The following CCDC91 variants were observed in gnomAD, a reference collection of about 807,000 sequenced individuals.
CCDC91 encodes the protein coiled-coil domain-containing protein 91.
In CCDC91, 48 loss-of-function variants were observed where a neutral mutation model predicts 63.2. The ratio of observed to expected loss-of-function variants is 0.76; its 90% CI spans 0.60 to 0.97. The LOEUF (loss-of-function observed/expected upper bound fraction) is 0.97, where lower values mean the gene tolerates loss of function less well. Ranked by LOEUF, CCDC91 falls within the 50% of genes least tolerant of loss-of-function variation. The pLI is 0.00. For synonymous variants in CCDC91, 167 were observed against 165.8 expected (o/e 1.01, Z -0.06); for missense variants, 500 against 494.6 (o/e 1.01, Z -0.10).
intron 1 of CCDC91, among the ~76,000 whole-genome samples, chr12:28,251,718 T>G (rs1946128469): frequency 6.6e-6 from 1 of 152,090 alleles, no homozygotes; most frequent in Non-Finnish European, 1.5e-5. Flanking sequence ...CCTAATTGTT[T>G]AAAATTACAC....
intron 3 of CCDC91, among the ~76,000 whole-genome samples, chr12:28,280,543 A>G (rs966374298): frequency 6.6e-6 from 1 of 152,110 alleles, no homozygotes; most frequent in Non-Finnish European, 1.5e-5. Context: ...TTCTTTTTAT[A>G]GTCTATATGT....
chr12:28,464,403 T>C (rs1246953459), intron 11 of CCDC91, among the ~76,000 whole-genome samples: 1 of 152,166 alleles, frequency 6.6e-6, no homozygotes, highest in Non-Finnish European at 1.5e-5. Context: ...AGCCCCAGGT[T>C]GTACAGCTCC....
At chr12:28,504,688 C>A (rs994455645) in intron 12 of CCDC91, among the ~76,000 whole-genome samples, 2 of 151,958 alleles carry the variant, frequency 1.3e-5, no homozygotes, top group African/African-American at 4.8e-5. Context: ...TCAAAGTCTA[C>A]ATGGCTCCTT....
intron 3 of CCDC91, among the ~76,000 whole-genome samples, chr12:28,298,815 G>A (rs1281682364): frequency 1.3e-5 from 2 of 150,506 alleles, no homozygotes; most frequent in Admixed American, 1.3e-4. Flanking sequence ...TTGTTTATGT[G>A]CTTTATAAAA....
At chr12:28,424,725 T>A (rs181400196) in intron 8 of CCDC91, among the ~76,000 whole-genome samples, 9 of 152,306 alleles carry the variant, frequency 5.9e-5, no homozygotes, top group African/African-American at 1.9e-4. Flanking sequence ...AATACTAATA[T>A]TGTCTTTAGC....
chr12:28,319,014 C>A (rs1178395925), intron 6 of CCDC91, among the ~76,000 whole-genome samples: 1 of 151,902 alleles, frequency 6.6e-6, no homozygotes, highest in Non-Finnish European at 1.5e-5. Context: ...TTTAATACCA[C>A]CTAATTCAGA....
intron 12 of CCDC91, among the ~76,000 whole-genome samples, chr12:28,490,874 T>A (rs1433173283): frequency 6.6e-6 from 1 of 151,728 alleles, no homozygotes; most frequent in African/African-American, 2.4e-5. Context: ...AAAAACTTAC[T>A]GACATGTGGA....
intron 12 of CCDC91, among the ~76,000 whole-genome samples, chr12:28,501,211 C>A (rs552847403): frequency 6.6e-6 from 1 of 152,030 alleles, no homozygotes; most frequent in East Asian, 2.0e-4. Flanking sequence ...CTTCTCCTGT[C>A]TAATTGCCCT....
At chr12:28,381,683 G>T (rs1444179007) in intron 7 of CCDC91, among the ~76,000 whole-genome samples, 2 of 152,000 alleles carry the variant, frequency 1.3e-5, no homozygotes, top group African/African-American at 4.8e-5. Context: ...GTATTTTGTT[G>T]TTTTAGTAGG....
At chr12:28,535,136 A>AC (rs1331107418) in intron 12 of CCDC91, among the ~76,000 whole-genome samples, 22 of 152,216 alleles carry the variant, frequency 1.4e-4, no homozygotes, top group Admixed American at 2.6e-4. Flanking sequence ...CATACATTTA[A>AC]CAGATGTTTA....
intron 11 of CCDC91, among the ~76,000 whole-genome samples, chr12:28,474,144 C>T (rs985651180): frequency 3.3e-4 from 50 of 152,194 alleles, no homozygotes; most frequent in African/African-American, 1.2e-3. Context: ...AGTCTCATTG[C>T]ATAATAAACA....
At chr12:28,237,438 A>G (rs1011936094) in intron 1 of CCDC91, among the ~76,000 whole-genome samples, 6 of 152,172 alleles carry the variant, frequency 3.9e-5, no homozygotes, top group African/African-American at 1.4e-4. Context: ...AAATACTATC[A>G]CAAGTGTCCT....
At chr12:28,434,420 T>G (rs958028640) in intron 8 of CCDC91, among the ~76,000 whole-genome samples, 1 of 151,654 alleles carries the variant, frequency 6.6e-6, no homozygotes, top group African/African-American at 2.4e-5. Context: ...CATTAGTTGA[T>G]TTTTGAATGT....
chr12:28,250,765 A>G (rs1946066424), intron 1 of CCDC91, among the ~76,000 whole-genome samples: 1 of 152,070 alleles, frequency 6.6e-6, no homozygotes. Context: ...TGCTCAGTTC[A>G]ATTGCTGGAG....
intron 11 of CCDC91, among the ~76,000 whole-genome samples, chr12:28,480,977 A>G (rs576224115): frequency 5.3e-5 from 8 of 152,126 alleles, no homozygotes; most frequent in East Asian, 1.9e-4. Flanking sequence ...AGAAATTATA[A>G]CATCTTATGT....
chr12:28,358,026 T>C (rs1267556372), intron 6 of CCDC91, among the ~76,000 whole-genome samples: 2 of 152,168 alleles, frequency 1.3e-5, no homozygotes, highest in Admixed American at 6.5e-5. Context: ...ACAGTGTGGT[T>C]GTATGATTGC....
chr12:28,282,308 G>A (rs867325007), intron 3 of CCDC91, among the ~76,000 whole-genome samples: 1 of 152,096 alleles, frequency 6.6e-6, no homozygotes, highest in African/African-American at 2.4e-5. Context: ...ACTACTCTGT[G>A]TGCTTTTGCA....
At chr12:28,434,004 T>C (rs1465934896) in intron 8 of CCDC91, among the ~76,000 whole-genome samples, 3 of 151,860 alleles carry the variant, frequency 2.0e-5, no homozygotes, top group Non-Finnish European at 4.4e-5. Flanking sequence ...TGTTTTTTGC[T>C]AGTGTAAAGG....
intron 8 of CCDC91, among the ~76,000 whole-genome samples, chr12:28,412,017 A>G (rs1354162307): frequency 2.0e-5 from 3 of 152,148 alleles, no homozygotes; most frequent in Non-Finnish European, 4.4e-5. Flanking sequence ...ACAAACAAAC[A>G]TGGCAAATAT....
Sources: allele counts gnomAD v4.1 joint callset (sites outside exome capture counted in the v4.1 genomes callset), GRCh38; gene constraint gnomAD v4.1.1; transcripts MANE v1.5; gene names NCBI Gene and HGNC (gene_info 2026-07-23, HGNC 2026-07-21).